Variants in FBXL13 observed in about 807,000 individuals in gnomAD.
FBXL13 encodes the protein F-box and leucine-rich repeat protein 13.
Under a neutral mutation model 83.6 loss-of-function variants are expected in FBXL13, and 67 were observed. That is an observed-to-expected ratio of 0.80 (90% CI 0.66 to 0.98). The LOEUF is 0.98. FBXL13 is among the 50% of genes least tolerant of loss of function. FBXL13 has a pLI of 0.00. For missense variants in FBXL13, 822 were observed against 866.5 expected (o/e 0.95, Z 0.64); for synonymous variants, 272 against 299.5 (o/e 0.91, Z 0.95).
intron 2 of FBXL13, among the ~76,000 whole-genome samples, chr7:103,045,603 G>A (rs1796194400): frequency 6.6e-6 from 1 of 152,170 alleles, no homozygotes; most frequent in African/African-American, 2.4e-5. Flanking sequence ...CTATTTACAG[G>A]AGAAAAACAA....
intron 2 of FBXL13, among the ~76,000 whole-genome samples, chr7:103,030,894 TCTC>T (rs755821384): frequency 8.3e-4 from 126 of 152,290 alleles, no homozygotes; most frequent in Non-Finnish European, 1.5e-3. Context: ...TTTAAGAGTT[TCTC>T]TTCATAAATT....
chr7:102,988,146 T>A (rs2129484168), intron 6 of FBXL13: 1 of 152,200 alleles, frequency 6.6e-6, no homozygotes, highest in South Asian at 2.1e-4. Context: ...AAAGAAGTGA[T>A]CAAAAAGGTG....
intron 1 of FBXL13, among the ~76,000 whole-genome samples, chr7:103,070,716 G>A (rs989979731): frequency 3.9e-5 from 6 of 152,198 alleles, no homozygotes; most frequent in Non-Finnish European, 1.5e-5. Flanking sequence ...GGCAAAGGGA[G>A]CCAGCATGTA....
Position 103,055,157 on chromosome 7 carries a change from T to C in FBXL13, c.-1+487A>G, listed in dbSNP as rs538586282. Reference sequence around the variant, plus strand: ...ACAATCTTCGAATGTTTGGTTTCATTGATGGAGTAATGCACATATCCCTTT... The same window carrying C: ...ACAATCTTCGAATGTTTGGTTTCATCGATGGAGTAATGCACATATCCCTTT... On this transcript the variant is annotated intron_variant, in intron 2 of 19. Coordinates refer to ENST00000313221, the Ensembl canonical transcript of FBXL13. 18 of 1,289,112 alleles carry C rather than the reference T, an allele frequency of 1.4e-5. No individual in the cohort carries two copies. In the East Asian group the frequency reaches 5.0e-4, roughly 36 times the overall value. 79.9% of individuals were successfully genotyped at this position (1,289,112 alleles called of 1,614,324 possible). A position where few individuals can be genotyped will look rare whatever the true frequency, so the allele number is the denominator to read the frequency against.
chr7:102,886,876 G>A (rs1386666503), intron 11 of FBXL13, among the ~76,000 whole-genome samples: 1 of 152,170 alleles, frequency 6.6e-6, no homozygotes, highest in Non-Finnish European at 1.5e-5. Context: ...TGAGCATGCA[G>A]GCCTGATTTG....
chr7:103,070,078 C>CAAAAAA (rs76010935), intron 1 of FBXL13, among the ~76,000 whole-genome samples: 1 of 67,314 alleles, frequency 1.5e-5, no homozygotes, highest in Non-Finnish European at 3.2e-5. Context: ...GACTCTGTCT[C>CAAAAAA]AAAAAAAAAA....
At chr7:103,072,365 A>T (rs1428550959) in intron 1 of FBXL13, among the ~76,000 whole-genome samples, 1 of 152,152 alleles carries the variant, frequency 6.6e-6, no homozygotes, top group Non-Finnish European at 1.5e-5. Context: ...GTGTGCTAGC[A>T]GAGGTGAGTG....
intron 2 of FBXL13, among the ~76,000 whole-genome samples, chr7:103,052,750 C>T (rs1796943866): frequency 6.8e-6 from 1 of 146,318 alleles, no homozygotes; most frequent in Non-Finnish European, 1.5e-5. Flanking sequence ...TCTGACAATT[C>T]CTTTTCTTTT....
At chr7:103,038,474 G>A (rs1278808100) in intron 2 of FBXL13, among the ~76,000 whole-genome samples, 5 of 150,224 alleles carry the variant, frequency 3.3e-5, no homozygotes, top group East Asian at 1.9e-4. Context: ...CTCTCAGCAC[G>A]GCGTTCAAGC....
At position 102,964,404 on chromosome 7, in the gene FBXL13, A is replaced by ATATATAT. The variant is rs796873670; in HGVS notation, c.592-740_592-739insATATATA. 3.3e-3 allele frequency among the ~76,000 whole-genome samples: 473 copies of ATATATAT among 143,270 alleles called. 10 individuals are homozygous for ATATATAT. The East Asian group carries it at 0.06, about 18-fold the overall frequency. The allele number at this position is 143,270 out of a possible 152,430, so 94.0% of individuals were successfully genotyped here. ...CAATTTTGTGACTATATATATATAT[A>ATATATAT]TTTTTTTTTTTTTTTCCAGACTGAG... On this transcript the variant is annotated intron_variant, in intron 7 of 19. Coordinates refer to ENST00000313221, the Ensembl canonical transcript of FBXL13.
At chr7:102,948,112 G>A (rs1468974404) in intron 8 of FBXL13, among the ~76,000 whole-genome samples, 1 of 151,008 alleles carries the variant, frequency 6.6e-6, no homozygotes, top group Non-Finnish European at 1.5e-5. Context: ...CACCCAGGCA[G>A]GAGTGCAATG....
intron 1 of FBXL13, among the ~76,000 whole-genome samples, chr7:103,068,086 T>C (rs1798563079): frequency 2.0e-5 from 3 of 152,100 alleles, no homozygotes; most frequent in African/African-American, 7.2e-5. Context: ...AGTATGACCA[T>C]AGAAGGACAT....
intron 8 of FBXL13, chr7:102,934,341 T>A: frequency 6.2e-7 from 1 of 1,614,094 alleles, no homozygotes; most frequent in Admixed American, 1.7e-5. Context: ...CAGATCAAAG[T>A]CTTGACGGAG....
chr7:103,055,528 C>T, intron 2 of FBXL13, 116 bp downstream of exon 2: 1 of 405,326 alleles, frequency 2.5e-6, no homozygotes, highest in South Asian at 2.2e-5. Flanking sequence ...GGAGGGATTC[C>T]TTAACAATCT....
At chr7:102,928,505 T>C (rs1266549134) in intron 9 of FBXL13, among the ~76,000 whole-genome samples, 1 of 152,212 alleles carries the variant, frequency 6.6e-6, no homozygotes, top group South Asian at 2.1e-4. Context: ...TAGTAAAATG[T>C]AGCTGGATAA....
intron 16 of FBXL13, among the ~76,000 whole-genome samples, chr7:102,865,779 C>T (rs917878753): frequency 5.3e-5 from 8 of 151,930 alleles, no homozygotes; most frequent in South Asian, 2.1e-4. Context: ...CTCTTGACCT[C>T]GTGATCCGCC....
At chr7:102,893,238 T>G (rs1255624699) in intron 11 of FBXL13, among the ~76,000 whole-genome samples, 1 of 152,246 alleles carries the variant, frequency 6.6e-6, no homozygotes, top group Non-Finnish European at 1.5e-5. Context: ...AAATTTGGCC[T>G]TTCCAAAATA....
intron 9 of FBXL13, among the ~76,000 whole-genome samples, chr7:102,930,727 G>T (rs529905484): frequency 2.2e-4 from 33 of 152,078 alleles, no homozygotes; most frequent in African/African-American, 8.0e-4. Flanking sequence ...ATTCCGTAAG[G>T]CTCAACTTTA....
chr7:103,039,865 T>C (rs1186743366), intron 2 of FBXL13, among the ~76,000 whole-genome samples: 2 of 152,022 alleles, frequency 1.3e-5, no homozygotes, highest in Non-Finnish European at 2.9e-5. Flanking sequence ...CCAGCCACTG[T>C]AAAAACATTC....
Sources: allele counts gnomAD v4.1 joint callset (sites outside exome capture counted in the v4.1 genomes callset), GRCh38; gene constraint gnomAD v4.1.1; transcripts MANE v1.5; gene names NCBI Gene and HGNC (gene_info 2026-07-23, HGNC 2026-07-21).